EPSTI1: variants seen among roughly 807,000 people sequenced by gnomAD.
The protein encoded by EPSTI1 is epithelial-stromal interaction protein 1.
In EPSTI1, 66 loss-of-function variants were observed where a neutral mutation model predicts 49.9. That is an observed-to-expected ratio of 1.32 (90% CI 1.08 to 1.62). The LOEUF (loss-of-function observed/expected upper bound fraction) is 1.62, where lower values mean the gene tolerates loss of function less well. Among genes scored for constraint, EPSTI1 ranks in the 40% most tolerant of loss-of-function variants. The pLI, the probability that EPSTI1 is intolerant of heterozygous loss-of-function variation, is 0.00. For synonymous variants in EPSTI1, 137 were observed against 130.7 expected (o/e 1.05, Z -0.33); for missense variants, 394 against 365.5 (o/e 1.08, Z -0.64).
intron 6 of EPSTI1, among the ~76,000 whole-genome samples, chr13:42,931,456 C>T (rs887717287): frequency 2.6e-5 from 4 of 151,988 alleles, no homozygotes; most frequent in South Asian, 2.1e-4. Flanking sequence ...CCACCCGCCT[C>T]GGCTTCCCAA....
chr13:42,980,205 A>G (rs1039592075), intron 1 of EPSTI1, among the ~76,000 whole-genome samples: 2 of 152,174 alleles, frequency 1.3e-5, no homozygotes, highest in Non-Finnish European at 2.9e-5. Context: ...TCCTTGTGCA[A>G]CTAAATAATA....
At chr13:42,953,829 T>A (rs1413524118) in intron 6 of EPSTI1, 119 bp downstream of exon 6, 7 of 736,228 alleles carry the variant, frequency 9.5e-6, no homozygotes, top group Non-Finnish European at 1.5e-5. Flanking sequence ...AATTACATAA[T>A]TAATACAACA....
intron 1 of EPSTI1, among the ~76,000 whole-genome samples, chr13:42,977,172 T>G (rs2039897479): frequency 6.6e-6 from 1 of 152,216 alleles, no homozygotes; most frequent in Non-Finnish European, 1.5e-5. Flanking sequence ...TGGGCTACAT[T>G]TAAACTTTTC....
At chr13:42,911,077 T>A (rs2037658048) in intron 8 of EPSTI1, among the ~76,000 whole-genome samples, 1 of 152,226 alleles carries the variant, frequency 6.6e-6, no homozygotes, top group East Asian at 1.9e-4. Flanking sequence ...ATAAAAAGTT[T>A]TAATATATAG....
At chr13:42,900,697 TAC>T (rs1341149188) in intron 8 of EPSTI1, among the ~76,000 whole-genome samples, 10 of 151,970 alleles carry the variant, frequency 6.6e-5, no homozygotes, top group Non-Finnish European at 1.3e-4. Flanking sequence ...ATCTATGTCT[TAC>T]AGAGAACAAC....
intron 5 of EPSTI1, among the ~76,000 whole-genome samples, chr13:42,961,422 G>A (rs1260301659): frequency 6.6e-6 from 1 of 152,178 alleles, no homozygotes; most frequent in Non-Finnish European, 1.5e-5. Flanking sequence ...ATCACTAGAA[G>A]TATATATACT....
chr13:42,889,743 T>C (rs2153407218), intron 10 of EPSTI1, among the ~76,000 whole-genome samples: 1 of 152,350 alleles, frequency 6.6e-6, no homozygotes, highest in South Asian at 2.1e-4. Context: ...CTCTTACTTT[T>C]GTATGATATT....
chr13:42,890,863 T>A (rs2037017374), intron 10 of EPSTI1, among the ~76,000 whole-genome samples: 1 of 152,146 alleles, frequency 6.6e-6, no homozygotes, highest in African/African-American at 2.4e-5. Flanking sequence ...TTTTAATGTA[T>A]TTTTATTATT....
At chr13:42,974,607 C>T (rs1045327461) in intron 1 of EPSTI1, among the ~76,000 whole-genome samples, 2 of 150,064 alleles carry the variant, frequency 1.3e-5, no homozygotes, top group South Asian at 2.1e-4. Context: ...TGCAGTGAGC[C>T]GAGATTGCGC....
At chr13:42,948,422 G>T (rs537811921) in intron 6 of EPSTI1, among the ~76,000 whole-genome samples, 35 of 113,898 alleles carry the variant, frequency 3.1e-4, no homozygotes, top group Middle Eastern at 4.3e-3. Context: ...AGAGTGGCTT[G>T]TTGTTTTTTT....
chr13:42,990,057 A>G (rs896900624), intron 1 of EPSTI1, among the ~76,000 whole-genome samples: 1 of 152,206 alleles, frequency 6.6e-6, no homozygotes, highest in Non-Finnish European at 1.5e-5. Context: ...GAGAAAGTGA[A>G]TCTAAGTAAC....
At chr13:42,916,728 CAA>C (rs1182415279) in intron 8 of EPSTI1, among the ~76,000 whole-genome samples, 3 of 152,126 alleles carry the variant, frequency 2.0e-5, no homozygotes, top group Admixed American at 6.6e-5. Flanking sequence ...ACTAGTATGA[CAA>C]GAGGAAAAGT....
chr13:42,983,748 A>C (rs574698202), intron 1 of EPSTI1, among the ~76,000 whole-genome samples: 6 of 152,284 alleles, frequency 3.9e-5, no homozygotes, highest in Admixed American at 2.6e-4. Context: ...TTTTATTTTC[A>C]AGACTCAGTT....
At chr13:42,951,402 A>T (rs1305780471) in intron 6 of EPSTI1, among the ~76,000 whole-genome samples, 15 of 152,212 alleles carry the variant, frequency 9.9e-5, no homozygotes, top group Admixed American at 6.5e-5. Context: ...TGTGTTTCTC[A>T]ATAGGCTTTA....
rs774814079 is a variant in EPSTI1 at position 42,964,143 on chromosome 13, AG to A, written c.332-5del. Reference sequence around the variant, plus strand: ...TCAGTTTCTGACTGGCTTCCACCTTAGGAAAAAAAAATCCATGAAGGTGAAA... The same window carrying A: ...TCAGTTTCTGACTGGCTTCCACCTTAGAAAAAAAAATCCATGAAGGTGAAA... On this transcript the variant is annotated splice_region_variant and splice_polypyrimidine_tract_variant and intron_variant, in intron 3 of 10. Transcript: ENST00000313624. 1.9e-6 allele frequency: 3 copies of A among 1,611,866 alleles called. No individual in the cohort carries two copies. The South Asian group carries it at 3.3e-5, about 18-fold the overall frequency.
rs573875063 is a variant in EPSTI1 at position 42,966,730 on chromosome 13, G to A, written c.331+2364C>T. On this transcript the variant is annotated intron_variant, in intron 3 of 10. Coordinates refer to ENST00000313624, the MANE Select transcript of EPSTI1 (RefSeq NM_033255.5). ...CCCCGCCCGGCCAGCCGCCCCGTCC[G>A]GGAGGTGAGGGGCGCCTCCGCCCGG... 1.1e-3 allele frequency among the ~76,000 whole-genome samples: 100 copies of A among 89,336 alleles called. 35 individuals are homozygous for A. Among genetic ancestry groups the A allele is most frequent in the Non-Finnish European group, 2.2e-3 (87 of 39,018 alleles). 58.6% of individuals were successfully genotyped at this position (89,336 alleles called of 152,430 possible).
intron 6 of EPSTI1, among the ~76,000 whole-genome samples, chr13:42,947,509 G>T (rs1177502513): frequency 6.6e-6 from 1 of 152,174 alleles, no homozygotes; most frequent in Middle Eastern, 3.2e-3. Context: ...GTCACTTCCA[G>T]AGGTGGTCTC....
At position 42,922,051 on chromosome 13, in the gene EPSTI1, T is replaced by C. The variant is rs1228234657; in HGVS notation, c.657+4285A>G. Among the ~76,000 whole-genome samples the C allele has an allele frequency of 6.6e-6, 1 of 152,148 alleles. No homozygotes were observed. Among genetic ancestry groups the C allele is most frequent in the African/African-American group, 2.4e-5 (1 of 41,434 alleles). On this transcript the variant is annotated intron_variant, in intron 7 of 10. Transcript: ENST00000313624. The surrounding 1 kb of genome is among the most constrained non-coding windows in gnomAD (Gnocchi z 4.8). Reference sequence around the variant, plus strand: ...TTGTACAGAAGATATAACCAGAGTATACCGACTGGCTTGGCAGTGAGAAAA... The same window carrying C: ...TTGTACAGAAGATATAACCAGAGTACACCGACTGGCTTGGCAGTGAGAAAA...
intron 9 of EPSTI1, among the ~76,000 whole-genome samples, chr13:42,897,166 C>T (rs2153410055): frequency 1.3e-5 from 2 of 152,120 alleles, no homozygotes; most frequent in East Asian, 3.9e-4. Flanking sequence ...TACTTTAGAG[C>T]CTCTGCACTT....
Sources: gnomAD v4.1 joint callset for allele counts (sites outside exome capture counted in the v4.1 genomes callset) on GRCh38, gnomAD v4.1.1 for gene constraint, Gnocchi (gnomAD v3.1) non-coding constraint, MANE v1.5 for transcripts, NCBI Gene and HGNC (gene_info 2026-07-23, HGNC 2026-07-21) for gene names.